Variants in GRIP1 observed in about 807,000 individuals in gnomAD.
The protein encoded by GRIP1 is glutamate receptor-interacting protein 1.
Under a neutral mutation model 129.9 loss-of-function variants are expected in GRIP1, and 45 were observed. The ratio of observed to expected loss-of-function variants is 0.35; its 90% CI spans 0.27 to 0.44. GRIP1 has a LOEUF of 0.44. Ranked by LOEUF, GRIP1 falls within the 20% of genes least tolerant of loss-of-function variation. The pLI is 1.00. For missense variants in GRIP1, 1,196 were observed against 1,396.8 expected (o/e 0.86, Z 2.29); for synonymous variants, 530 against 520.8 (o/e 1.02, Z -0.24).
At chr12:66,686,694 A>G (rs1355727503) in intron 1 of GRIP1, among the ~76,000 whole-genome samples, 1 of 152,164 alleles carries the variant, frequency 6.6e-6, no homozygotes, top group Non-Finnish European at 1.5e-5. Flanking sequence ...TCCAGCTGCT[A>G]TTTTGATGAC....
chr12:66,813,275 C>A (rs1195514866), intron 1 of GRIP1, among the ~76,000 whole-genome samples: 2 of 152,024 alleles, frequency 1.3e-5, no homozygotes, highest in African/African-American at 4.8e-5. Context: ...TTGTAAATAA[C>A]CAGCTCTCAT....
At chr12:66,752,336 C>T (rs1235890601) in intron 1 of GRIP1, among the ~76,000 whole-genome samples, 3 of 152,096 alleles carry the variant, frequency 2.0e-5, no homozygotes, top group Non-Finnish European at 4.4e-5. Flanking sequence ...TTCAAAGATA[C>T]TAAATTCACA....
intron 16 of GRIP1, among the ~76,000 whole-genome samples, chr12:66,397,110 CAAAA>C (rs71436004): frequency 3.3e-4 from 20 of 60,220 alleles, no homozygotes; most frequent in South Asian, 2.1e-3. Context: ...GACTCTGTCT[CAAAA>C]AAAAAAAAAA....
chr12:67,002,143 A>G (rs1304877736), intron 1 of GRIP1, among the ~76,000 whole-genome samples: 1 of 152,232 alleles, frequency 6.6e-6, no homozygotes, highest in Non-Finnish European at 1.5e-5. Flanking sequence ...ATTCAAACTC[A>G]ATTGTAGGAA....
chr12:67,026,528 C>T (rs909857852), intron 1 of GRIP1, among the ~76,000 whole-genome samples: 1 of 152,166 alleles, frequency 6.6e-6, no homozygotes, highest in African/African-American at 2.4e-5. Context: ...TGCCTGTTAC[C>T]TAGTAAGTAA....
At chr12:66,776,613 T>C (rs147530561) in intron 1 of GRIP1, among the ~76,000 whole-genome samples, 165 of 152,296 alleles carry the variant, frequency 1.1e-3, no homozygotes, top group Non-Finnish European at 2.2e-3. Flanking sequence ...CATGCACAAG[T>C]AAATACAGAG....
intron 1 of GRIP1, among the ~76,000 whole-genome samples, chr12:66,952,060 G>A (rs1367358241): frequency 1.3e-5 from 2 of 152,098 alleles, no homozygotes; most frequent in Non-Finnish European, 2.9e-5. Flanking sequence ...AGATGCTTTA[G>A]AAAGAGTGTA....
At chr12:67,047,141 A>T (rs927719083) in intron 1 of GRIP1, among the ~76,000 whole-genome samples, 4 of 152,200 alleles carry the variant, frequency 2.6e-5, no homozygotes, top group Non-Finnish European at 4.4e-5. Context: ...GATGTTTTAG[A>T]AGCTCAATAA....
intron 1 of GRIP1, among the ~76,000 whole-genome samples, chr12:66,662,047 T>C (rs527874796): frequency 6.6e-6 from 1 of 152,218 alleles, no homozygotes; most frequent in South Asian, 2.1e-4. Flanking sequence ...GTATCCATAC[T>C]CCTGCGCATG....
At chr12:66,785,440 G>A (rs1366707811) in intron 1 of GRIP1, among the ~76,000 whole-genome samples, 2 of 149,840 alleles carry the variant, frequency 1.3e-5, no homozygotes, top group Non-Finnish European at 3.0e-5. Context: ...TCAGCCTGGG[G>A]GATGGAAGCT....
At chr12:66,638,546 A>G (rs756660701) in intron 1 of GRIP1, among the ~76,000 whole-genome samples, 1 of 152,212 alleles carries the variant, frequency 6.6e-6, no homozygotes, top group Non-Finnish European at 1.5e-5. Context: ...AAAATAGTTA[A>G]CAAGTCAAGA....
chr12:66,957,731 A>T (rs1029017665), intron 1 of GRIP1, among the ~76,000 whole-genome samples: 1 of 152,152 alleles, frequency 6.6e-6, no homozygotes, highest in African/African-American at 2.4e-5. Context: ...TATCAACATT[A>T]ATTATCACTG....
At chr12:66,784,548 T>C (rs1318092972) in intron 1 of GRIP1, among the ~76,000 whole-genome samples, 1 of 152,192 alleles carries the variant, frequency 6.6e-6, no homozygotes, top group East Asian at 1.9e-4. Flanking sequence ...TCGTAATGAC[T>C]ACCCTCTAAA....
chr12:67,019,843 A>G (rs537202169), intron 1 of GRIP1, among the ~76,000 whole-genome samples: 2 of 152,146 alleles, frequency 1.3e-5, no homozygotes, highest in Admixed American at 1.3e-4. Context: ...TACACACACG[A>G]AAGATTAATG....
intron 2 of GRIP1, among the ~76,000 whole-genome samples, chr12:66,551,571 CTTT>C (rs10719369): frequency 2.8e-3 from 315 of 114,410 alleles, no homozygotes; most frequent in African/African-American, 9.6e-3. Context: ...GGCTAGAATC[CTTT>C]TTTTTTTTTT....
intron 1 of GRIP1, among the ~76,000 whole-genome samples, chr12:66,687,393 G>T (rs1331576752): frequency 6.6e-6 from 1 of 152,122 alleles, no homozygotes; most frequent in Non-Finnish European, 1.5e-5. Context: ...CAATAGGATG[G>T]TAGAGTTGAA....
chr12:66,478,717 A>C lies in GRIP1; in HGVS notation c.725-13295T>G, dbSNP rs188562433. ...GCAGCCATAAAAAAAAGATGAGTTC[A>C]TGTCCTTTGTAGGGACATGGATGAA... On this transcript the variant is annotated intron_variant, in intron 7 of 24. Transcript: ENST00000359742. Among the ~76,000 whole-genome samples, 689 of 152,238 alleles carry C rather than the reference A, an allele frequency of 4.5e-3. 2 individuals are homozygous for C. Among genetic ancestry groups the C allele is most frequent in the Non-Finnish European group, 6.0e-3 (411 of 68,008 alleles).
chr12:66,759,035 G>C (rs2037388961), intron 1 of GRIP1, among the ~76,000 whole-genome samples: 1 of 152,178 alleles, frequency 6.6e-6, no homozygotes. Context: ...CCCCCAGTAG[G>C]GACTCTGTAT....
chr12:66,780,754 C>T (rs879735591), intron 1 of GRIP1, among the ~76,000 whole-genome samples: 2 of 152,080 alleles, frequency 1.3e-5, no homozygotes, highest in Admixed American at 6.6e-5. Context: ...ACTTTTAAGG[C>T]CAGATCATAA....
Sources: allele counts gnomAD v4.1 joint callset (sites outside exome capture counted in the v4.1 genomes callset), GRCh38; gene constraint gnomAD v4.1.1; transcripts MANE v1.5; gene names NCBI Gene and HGNC (gene_info 2026-07-23, HGNC 2026-07-21).